Variants in GRIK1 observed in about 807,000 individuals in gnomAD.
The protein encoded by GRIK1 is glutamate receptor ionotropic, kainate 1.
GRIK1 carries 69 observed loss-of-function variants against 105.7 expected under a neutral mutation model. The ratio of observed to expected loss-of-function variants is 0.65; its 90% CI spans 0.54 to 0.80. The LOEUF is 0.80. Ranked by LOEUF, GRIK1 falls within the 30% of genes least tolerant of loss-of-function variation. The pLI is 0.00. For synonymous variants in GRIK1, 438 were observed against 431.3 expected (o/e 1.02, Z -0.19); for missense variants, 1,109 against 1,167.3 (o/e 0.95, Z 0.73).
intron 5 of GRIK1, among the ~76,000 whole-genome samples, chr21:29,653,915 C>CA (rs922231346): frequency 3.3e-5 from 5 of 152,190 alleles, no homozygotes; most frequent in African/African-American, 1.2e-4. Flanking sequence ...TCTGCACTCT[C>CA]AAAGACATTT....
Position 29,592,554 on chromosome 21 carries a change from G to T in GRIK1, c.1252-1329C>A, listed in dbSNP as rs952303067. Among the ~76,000 whole-genome samples the T allele has an allele frequency of 3.9e-5, 6 of 152,152 alleles. No homozygotes were observed. The South Asian group carries it at 1.2e-3, about 32-fold the overall frequency. ...CATTTACTGCCAGCCTCACATGGTGGCTTGCAAGTATGTTTTAGAGCCAGG... is the reference window on the plus strand; with the variant it reads ...CATTTACTGCCAGCCTCACATGGTGTCTTGCAAGTATGTTTTAGAGCCAGG... On this transcript the variant is annotated intron_variant, in intron 9 of 17. Transcript: ENST00000327783.
At chr21:29,788,891 G>A (rs960759214) in intron 1 of GRIK1, among the ~76,000 whole-genome samples, 3 of 152,148 alleles carry the variant, frequency 2.0e-5, no homozygotes, top group African/African-American at 7.2e-5. Flanking sequence ...GAGCTCAGGT[G>A]GTAATGTGAG....
intron 15 of GRIK1, among the ~76,000 whole-genome samples, chr21:29,560,903 A>T (rs932948689): frequency 2.6e-5 from 4 of 152,078 alleles, no homozygotes; most frequent in African/African-American, 9.7e-5. Flanking sequence ...CCTGGCCATG[A>T]TACAGTTTTC....
At chr21:29,596,688 T>C (rs1271150812) in intron 8 of GRIK1, 118 bp from the exon 9 acceptor site, 2 of 779,114 alleles carry the variant, frequency 2.6e-6, no homozygotes, top group South Asian at 1.4e-5. Context: ...ACCCATTGTT[T>C]GGAATTTGCA....
intron 7 of GRIK1, among the ~76,000 whole-genome samples, chr21:29,620,773 A>ATATC (rs1477505608): frequency 8.6e-6 from 1 of 116,952 alleles, no homozygotes; most frequent in Admixed American, 8.7e-5. Flanking sequence ...TGAAAGTCAT[A>ATATC]TATATATAGA....
chr21:29,798,099 C>T (rs750680068), intron 1 of GRIK1, among the ~76,000 whole-genome samples: 1 of 152,186 alleles, frequency 6.6e-6, no homozygotes, highest in Non-Finnish European at 1.5e-5. Context: ...TCCTGAATAC[C>T]GACTGGAAGA....
intron 1 of GRIK1, among the ~76,000 whole-genome samples, chr21:29,903,026 T>C (rs1310329765): frequency 7.0e-6 from 1 of 143,214 alleles, no homozygotes; most frequent in Non-Finnish European, 1.5e-5. Flanking sequence ...ATACAAGCAA[T>C]GGGGAAAAGA....
At chr21:29,625,956 C>T (rs540499134) in intron 7 of GRIK1, among the ~76,000 whole-genome samples, 2 of 152,162 alleles carry the variant, frequency 1.3e-5, no homozygotes, top group African/African-American at 4.8e-5. Flanking sequence ...GCCCTAACCC[C>T]CAGCAGCTTA....
chr21:29,830,688 G>A (rs2067607642), intron 1 of GRIK1, among the ~76,000 whole-genome samples: 1 of 151,930 alleles, frequency 6.6e-6, no homozygotes, highest in South Asian at 2.1e-4. Context: ...ATAAGTGCAA[G>A]GTAAACATAC....
intron 1 of GRIK1, among the ~76,000 whole-genome samples, chr21:29,849,141 GAC>G (rs1429127740): frequency 7.5e-6 from 1 of 134,056 alleles, no homozygotes; most frequent in East Asian, 2.5e-4. Flanking sequence ...TCATGTCCCA[GAC>G]TGTATTGTAC....
intron 12 of GRIK1, 28 bp from the exon 13 acceptor site, chr21:29,581,571 A>G (rs1272709915): frequency 7.5e-7 from 1 of 1,327,686 alleles, no homozygotes; most frequent in Non-Finnish European, 1.1e-6. Context: ...AACAGTCTGT[A>G]AATATCAGAG....
At chr21:29,810,545 CT>C (rs917127744) in intron 1 of GRIK1, among the ~76,000 whole-genome samples, 5 of 152,112 alleles carry the variant, frequency 3.3e-5, no homozygotes, top group Admixed American at 6.5e-5. Context: ...CATTTTCCTT[CT>C]TTAAACTCAG....
At chr21:29,662,172 A>T (rs1311812995) in intron 4 of GRIK1, among the ~76,000 whole-genome samples, 1 of 152,222 alleles carries the variant, frequency 6.6e-6, no homozygotes, top group Admixed American at 6.5e-5. Flanking sequence ...AAGGAGTGCA[A>T]ATCATTGGGG....
intron 1 of GRIK1, among the ~76,000 whole-genome samples, chr21:29,733,719 C>T (rs924477982): frequency 1.5e-4 from 23 of 151,970 alleles, no homozygotes; most frequent in African/African-American, 4.8e-4. Context: ...TTGTTTTGCT[C>T]GACAATCACA....
chr21:29,885,604 A>G (rs2146199702), intron 1 of GRIK1, among the ~76,000 whole-genome samples: 1 of 152,256 alleles, frequency 6.6e-6, no homozygotes, highest in South Asian at 2.1e-4. Context: ...AATGAGTGAC[A>G]AATACTGCCA....
intron 7 of GRIK1, among the ~76,000 whole-genome samples, chr21:29,609,477 C>T (rs1286762510): frequency 6.6e-6 from 1 of 152,118 alleles, no homozygotes; most frequent in African/African-American, 2.4e-5. Context: ...CCACATTAAA[C>T]GTTGTTTCTG....
chr21:29,773,430 C>T (rs2065862939), intron 1 of GRIK1, among the ~76,000 whole-genome samples: 1 of 152,114 alleles, frequency 6.6e-6, no homozygotes, highest in Non-Finnish European at 1.5e-5. Flanking sequence ...TTGGTATTTC[C>T]AAGTTTTCTG....
chr21:29,809,574 T>C (rs552088381), intron 1 of GRIK1, among the ~76,000 whole-genome samples: 1 of 152,316 alleles, frequency 6.6e-6, no homozygotes, highest in East Asian at 1.9e-4. Context: ...CCACTAAAAC[T>C]TTCTTTATAT....
intron 1 of GRIK1, among the ~76,000 whole-genome samples, chr21:29,710,254 A>G (rs2064011687): frequency 6.6e-6 from 1 of 152,056 alleles, no homozygotes; most frequent in South Asian, 2.1e-4. Context: ...TTCTTTCAAT[A>G]TGTTGCTGAA....
Sources: allele counts gnomAD v4.1 joint callset (sites outside exome capture counted in the v4.1 genomes callset), GRCh38; gene constraint gnomAD v4.1.1; transcripts MANE v1.5; gene names NCBI Gene and HGNC (gene_info 2026-07-23, HGNC 2026-07-21).